KCNN3: variants seen among roughly 807,000 people sequenced by gnomAD.
The protein encoded by KCNN3 is small conductance calcium-activated potassium channel protein 3.
KCNN3 carries 16 observed loss-of-function variants against 62.9 expected under a neutral mutation model. That is an observed-to-expected ratio of 0.25 (90% CI 0.17 to 0.39). The LOEUF (loss-of-function observed/expected upper bound fraction) is 0.39. KCNN3 is among the 10% of genes least tolerant of loss of function. The probability of loss-of-function intolerance (pLI) is 1.00; values close to 1 mark genes in which losing one functional copy is unlikely to be tolerated. For synonymous variants in KCNN3, 370 were observed against 389.2 expected, an observed-to-expected ratio of 0.95 and a Z score of 0.58; for missense variants, 599 against 949.4, an observed-to-expected ratio of 0.63 and a Z score of 4.85.
chr1:154,779,494 T>A (rs1367738661), intron 2 of KCNN3, among the ~76,000 whole-genome samples: 1 of 152,088 alleles, frequency 6.6e-6, no homozygotes, highest in Admixed American at 6.5e-5. Flanking sequence ...CATTCCCCCA[T>A]CCCCACTCTC....
chr1:154,847,800 A>G (rs1048612741), intron 1 of KCNN3, among the ~76,000 whole-genome samples: 18 of 152,250 alleles, frequency 1.2e-4, no homozygotes, highest in African/African-American at 3.9e-4. Context: ...AGAACATGAC[A>G]CCTGCGTAAT....
At position 154,869,218 on chromosome 1, in the gene KCNN3, G is replaced by A. The variant is rs558590709; in HGVS notation, c.747C>T (p.Thr249=). 1.3e-5 allele frequency: 21 copies of A among 1,614,022 alleles called. No homozygotes were observed. Among genetic ancestry groups the A allele is most frequent in the Non-Finnish European group, 1.6e-5 (19 of 1,180,020 alleles). ...ATHNHQHAGT[T]ASSTTFPKAN... is the part of the protein sequence containing the mutation. ...CTTTGGGGAAGGTGGTGCTGCTGGCGGTGGTGCCGGCATGCTGGTGGTTGT... is the reference window on the plus strand; with the variant it reads ...CTTTGGGGAAGGTGGTGCTGCTGGCAGTGGTGCCGGCATGCTGGTGGTTGT... Residue 249 remains threonine, a synonymous_variant, in exon 1 of 8, where the codon ACC becomes ACT. Coordinates refer to ENST00000271915, the MANE Select transcript of KCNN3 (RefSeq NM_002249.6). The surrounding 1 kb of genome is among the most constrained non-coding windows in gnomAD (Gnocchi z 6.1).
At chr1:154,851,215 G>A (rs1010162027) in intron 1 of KCNN3, among the ~76,000 whole-genome samples, 7 of 152,154 alleles carry the variant, frequency 4.6e-5, no homozygotes, top group African/African-American at 1.7e-4. Context: ...CTGACTTCGT[G>A]ATCCACCCGC....
At chr1:154,777,252 C>T (rs1467591743) in intron 2 of KCNN3, among the ~76,000 whole-genome samples, 6 of 152,054 alleles carry the variant, frequency 3.9e-5, no homozygotes, top group African/African-American at 1.4e-4. Flanking sequence ...TCTGTGTTCT[C>T]GGTGCACCTG....
rs910059754 is a variant in KCNN3, at chr1:154,793,071, C to T, written c.1030-20678G>A. ...CACTCAGGAATATTCTCACCACAAACACCTAGAAGCCAATCTTTCCACTCC... is the reference window on the plus strand; with the variant it reads ...CACTCAGGAATATTCTCACCACAAATACCTAGAAGCCAATCTTTCCACTCC... On this transcript the variant is annotated intron_variant, in intron 2 of 7. Transcript: ENST00000271915. 1.1e-4 allele frequency among the ~76,000 whole-genome samples: 17 copies of T among 152,190 alleles called. 1 individual carries two copies. Among genetic ancestry groups the T allele is most frequent in the Admixed American group, 4.6e-4 (7 of 15,284 alleles).
In KCNN3 at chr1:154,769,170, C is replaced by T. The variant is rs148887526; in HGVS notation, c.1448+2805G>A. Among the ~76,000 whole-genome samples, 55 of 152,228 alleles carry T rather than the reference C, an allele frequency of 3.6e-4. No individual in the cohort carries two copies. The East Asian group carries it at 9.9e-3, about 27-fold the overall frequency. On this transcript the variant is annotated intron_variant, in intron 3 of 7. Coordinates refer to ENST00000271915, the MANE Select transcript of KCNN3 (RefSeq NM_002249.6). ...TTCACCCAAATGCCCCTCCAGGACC[C>T]GGGCTCTCCTTCCCTCAGGCAAGGT...
At chr1:154,752,946 A>T (rs1647457872) in intron 3 of KCNN3, among the ~76,000 whole-genome samples, 1 of 152,342 alleles carries the variant, frequency 6.6e-6, no homozygotes, top group African/African-American at 2.4e-5. Flanking sequence ...ACCTGCCTCC[A>T]GTTCTGCATC....
chr1:154,841,230 G>T (rs147020557), intron 1 of KCNN3, among the ~76,000 whole-genome samples: 1 of 152,340 alleles, frequency 6.6e-6, no homozygotes, highest in African/African-American at 2.4e-5. Flanking sequence ...ACATTAAATG[G>T]AGTGAGAGGC....
intron 3 of KCNN3, among the ~76,000 whole-genome samples, chr1:154,770,420 T>G (rs1648494898): frequency 6.6e-6 from 1 of 152,222 alleles, no homozygotes; most frequent in African/African-American, 2.4e-5. Flanking sequence ...ATGTAGGGTG[T>G]GTTGAGGCTA....
In KCNN3 at chr1:154,790,174, G is replaced by A. The variant is rs188549935; in HGVS notation, c.1030-17781C>T. Among the ~76,000 whole-genome samples, 49 of 152,204 alleles carry A rather than the reference G, an allele frequency of 3.2e-4. No individual in the cohort carries two copies. The East Asian group carries it at 6.4e-3, about 20-fold the overall frequency. On this transcript the variant is annotated intron_variant, in intron 2 of 7. Coordinates refer to ENST00000271915, the MANE Select transcript of KCNN3 (RefSeq NM_002249.6). ...TCGAACTCCTGATCTCAGGTGATCTGCCCGCCTCGGCCTCCCAAAGTGCTG... is the reference window on the plus strand; with the variant it reads ...TCGAACTCCTGATCTCAGGTGATCTACCCGCCTCGGCCTCCCAAAGTGCTG...
chr1:154,774,893 G>A (rs916339375), intron 2 of KCNN3, among the ~76,000 whole-genome samples: 6 of 152,252 alleles, frequency 3.9e-5, no homozygotes, highest in East Asian at 1.9e-4. Context: ...CTGCAAGGCC[G>A]GAAGAAACTA....
chr1:154,845,547 T>G (rs1179368514), intron 1 of KCNN3, among the ~76,000 whole-genome samples: 1 of 152,214 alleles, frequency 6.6e-6, no homozygotes, highest in South Asian at 2.1e-4. Context: ...TGAGGCCACC[T>G]TGACTAATGC....
chr1:154,778,611 CTTTTTTTT>C (rs11459390), intron 2 of KCNN3, among the ~76,000 whole-genome samples: 1,010 of 73,654 alleles, frequency 0.014, 17 homozygotes, highest in African/African-American at 0.05. Context: ...CTCTCTGTCT[CTTTTTTTT>C]TTTTTTTTTT....
rs776341018 is a variant in KCNN3, at chr1:154,869,283, G to T, written c.682C>A (p.His228Asn). The change falls in exon 1 of 8, where the codon CAT (histidine) becomes AAT (asparagine). Residue 228 changes from histidine to asparagine, a missense_variant. Coordinates refer to ENST00000271915, the MANE Select transcript of KCNN3 (RefSeq NM_002249.6). This position sits in a 1 kb window ranked among gnomAD's most constrained non-coding sequence, Gnocchi z 6.1. Reference protein sequence around the residue: ...EIVISSREDNHAHQTLLHHPN... With the variant: ...EIVISSREDNNAHQTLLHHPN... ...TGATGGAGCAGGGTCTGGTGGGCATGGTTGTCCTCCCGGGAGGAGATGACG... is the reference window on the plus strand; with the variant it reads ...TGATGGAGCAGGGTCTGGTGGGCATTGTTGTCCTCCCGGGAGGAGATGACG... 4 of 1,613,978 alleles carry T rather than the reference G, an allele frequency of 2.5e-6. No individual in the cohort carries two copies. The highest frequency in any genetic ancestry group is 3.4e-6 in the Non-Finnish European group (4 of 1,179,928).
chr1:154,732,650 G>A (rs1700620872), intron 4 of KCNN3, among the ~76,000 whole-genome samples: 1 of 152,208 alleles, frequency 6.6e-6, no homozygotes, highest in East Asian at 1.9e-4. Context: ...TAAACTGCAA[G>A]CTCCAGTGCT....
intron 1 of KCNN3, among the ~76,000 whole-genome samples, chr1:154,831,634 T>C (rs1020460066): frequency 1.3e-5 from 2 of 152,138 alleles, no homozygotes; most frequent in Admixed American, 1.3e-4. Context: ...TCTAGTTCAG[T>C]GCCCCATGAG....
chr1:154,841,780 C>T (rs543010818), intron 1 of KCNN3, among the ~76,000 whole-genome samples: 3 of 152,304 alleles, frequency 2.0e-5, no homozygotes, highest in South Asian at 2.1e-4. Flanking sequence ...ATGAGATGTG[C>T]GAGCCGAAGG....
intron 2 of KCNN3, among the ~76,000 whole-genome samples, chr1:154,806,531 GC>G (rs1431525403): frequency 6.6e-6 from 1 of 152,206 alleles, no homozygotes; most frequent in Non-Finnish European, 1.5e-5. Context: ...CGGCAGCAGA[GC>G]TGAGATTAGA....
chr1:154,759,388 T>A (rs1453185674), intron 3 of KCNN3, among the ~76,000 whole-genome samples: 1 of 152,174 alleles, frequency 6.6e-6, no homozygotes, highest in Non-Finnish European at 1.5e-5. Flanking sequence ...AACCCCAAAG[T>A]TGAAGGATGG....
Sources: allele counts gnomAD v4.1 joint callset (sites outside exome capture counted in the v4.1 genomes callset), GRCh38; gene constraint gnomAD v4.1.1; non-coding constraint Gnocchi (gnomAD v3.1); transcripts MANE v1.5; gene names NCBI Gene and HGNC (gene_info 2026-07-23, HGNC 2026-07-21).